SGMS1: variants seen among roughly 807,000 people sequenced by gnomAD.
SGMS1 encodes the protein sphingomyelin synthase 1, also known as phosphatidylcholine:ceramide cholinephosphotransferase 1.
In SGMS1, 13 loss-of-function variants were observed where a neutral mutation model predicts 46.2. The observed-to-expected ratio is 0.28, with a 90% confidence interval of 0.18 to 0.45. The LOEUF (loss-of-function observed/expected upper bound fraction) is 0.45, where lower values mean the gene tolerates loss of function less well. Ranked by LOEUF, SGMS1 falls within the 20% of genes least tolerant of loss-of-function variation. The pLI is 1.00. For missense variants in SGMS1, 324 were observed against 519.9 expected (o/e 0.62, Z 3.66); for synonymous variants, 203 against 187.8 (o/e 1.08, Z -0.66).
At chr10:50,388,471 T>TA (rs56992240) in intron 6 of SGMS1, among the ~76,000 whole-genome samples, 1,059 of 85,030 alleles carry the variant, frequency 0.012, 17 homozygotes, top group African/African-American at 0.027. Flanking sequence ...CTGTCTCTAC[T>TA]AAAAAAAAAA....
At chr10:50,398,638 T>A (rs1848883395) in intron 6 of SGMS1, among the ~76,000 whole-genome samples, 1 of 152,080 alleles carries the variant, frequency 6.6e-6, no homozygotes, top group Non-Finnish European at 1.5e-5. Flanking sequence ...TCAATGCATA[T>A]TCAGTTCTCA....
At chr10:50,449,639 A>ATG (rs1197997469) in intron 5 of SGMS1, among the ~76,000 whole-genome samples, 4 of 95,334 alleles carry the variant, frequency 4.2e-5, no homozygotes, top group East Asian at 5.2e-4. Context: ...TAGTGTGTGC[A>ATG]CGTGTGTGTG....
intron 7 of SGMS1, among the ~76,000 whole-genome samples, chr10:50,331,762 C>A (rs982926536): frequency 1.3e-5 from 2 of 152,180 alleles, no homozygotes; most frequent in African/African-American, 2.4e-5. Context: ...GTGATTAGAT[C>A]ACAAGGGCAG....
At chr10:50,452,452 T>C (rs1346982693) in intron 5 of SGMS1, among the ~76,000 whole-genome samples, 1 of 152,184 alleles carries the variant, frequency 6.6e-6, no homozygotes, top group Non-Finnish European at 1.5e-5. Context: ...AGGTCTATTT[T>C]TGAAGAATGA....
intron 2 of SGMS1, among the ~76,000 whole-genome samples, chr10:50,536,391 G>T (rs369624268): frequency 6.6e-6 from 1 of 152,166 alleles, no homozygotes; most frequent in South Asian, 2.1e-4. Context: ...AAACCTATCA[G>T]AAATATTTAG....
intron 2 of SGMS1, among the ~76,000 whole-genome samples, chr10:50,575,321 T>C (rs968397163): frequency 1.3e-5 from 2 of 152,100 alleles, no homozygotes; most frequent in Non-Finnish European, 2.9e-5. Flanking sequence ...TATAAGGCTA[T>C]GGTGGGTGGA....
At chr10:50,339,706 G>T (rs1371335276) in intron 7 of SGMS1, among the ~76,000 whole-genome samples, 1 of 152,356 alleles carries the variant, frequency 6.6e-6, no homozygotes, top group East Asian at 1.9e-4. Flanking sequence ...CACTTTGTAT[G>T]TGCCAGGCAC....
At chr10:50,590,750 G>A (rs1838532971) in intron 1 of SGMS1, 1 of 152,088 alleles carries the variant, frequency 6.6e-6, no homozygotes, top group South Asian at 2.1e-4. Context: ...GAACACATAA[G>A]GTCTACTGTC....
At chr10:50,356,159 C>G (rs1848144484) in intron 6 of SGMS1, among the ~76,000 whole-genome samples, 1 of 152,196 alleles carries the variant, frequency 6.6e-6, no homozygotes, top group Non-Finnish European at 1.5e-5. Context: ...GATTGTTACT[C>G]TGTCTGTGTA....
At chr10:50,380,990 C>T (rs1184132697) in intron 6 of SGMS1, among the ~76,000 whole-genome samples, 1 of 149,202 alleles carries the variant, frequency 6.7e-6, no homozygotes, top group African/African-American at 2.5e-5. Context: ...GCCACCACAC[C>T]TGGCTTTTTT....
At chr10:50,434,836 A>G (rs1409714528) in intron 5 of SGMS1, among the ~76,000 whole-genome samples, 1 of 150,282 alleles carries the variant, frequency 6.7e-6, no homozygotes, top group Non-Finnish European at 1.5e-5. Flanking sequence ...GTGAGCCGAG[A>G]TCACGCCACT....
chr10:50,535,273 T>G (rs1837990574), intron 2 of SGMS1, among the ~76,000 whole-genome samples: 1 of 152,142 alleles, frequency 6.6e-6, no homozygotes. Context: ...AAGTGTCTAG[T>G]CTTTTTAATT....
chr10:50,414,519 A>G (rs1021930689), intron 6 of SGMS1, among the ~76,000 whole-genome samples: 28 of 152,258 alleles, frequency 1.8e-4, no homozygotes, highest in Non-Finnish European at 3.8e-4. Flanking sequence ...GAAGACTAGG[A>G]TCTAATATAT....
intron 3 of SGMS1, among the ~76,000 whole-genome samples, chr10:50,505,606 C>T (rs749222689): frequency 1.1e-4 from 16 of 152,152 alleles, no homozygotes; most frequent in Non-Finnish European, 2.9e-5. Flanking sequence ...TCAACAAGTA[C>T]TTATTGAGGG....
chr10:50,563,237 T>C (rs962724788), intron 2 of SGMS1, among the ~76,000 whole-genome samples: 18 of 152,148 alleles, frequency 1.2e-4, no homozygotes, highest in East Asian at 1.9e-4. Context: ...CATCATTCTA[T>C]AGACAGGTGG....
chr10:50,623,722 G>A lies in SGMS1; in HGVS notation c.-699C>T. 6 of 985,388 alleles carry A rather than the reference G, an allele frequency of 6.1e-6. No individual in the cohort carries two copies. The highest frequency in any genetic ancestry group is 7.2e-6 in the Non-Finnish European group (6 of 829,930). 61.0% of individuals were successfully genotyped at this position (985,388 alleles called of 1,614,324 possible). On this transcript the variant is annotated 5_prime_UTR_variant, in exon 1 of 11. Transcript: ENST00000361781. Reference sequence around the variant, plus strand: ...CACGACTCACTTGCACTGGAGTCACGGCAGCCGCCGGAATTCCGCTCGCGG... The same window carrying A: ...CACGACTCACTTGCACTGGAGTCACAGCAGCCGCCGGAATTCCGCTCGCGG...
chr10:50,388,568 G>A (rs928358015), intron 6 of SGMS1, among the ~76,000 whole-genome samples: 16 of 151,142 alleles, frequency 1.1e-4, no homozygotes, highest in Admixed American at 4.6e-4. Context: ...AGCTAAGTTC[G>A]CACCACTGCA....
At chr10:50,610,587 GA>G (rs1464885909) in intron 1 of SGMS1, among the ~76,000 whole-genome samples, 2 of 152,172 alleles carry the variant, frequency 1.3e-5, no homozygotes, top group Non-Finnish European at 2.9e-5. Context: ...GGCCCCTATG[GA>G]AACCTGGAAC....
chr10:50,599,376 AAC>A (rs912347659), intron 1 of SGMS1, among the ~76,000 whole-genome samples: 44 of 152,182 alleles, frequency 2.9e-4, no homozygotes, highest in African/African-American at 8.7e-4. Context: ...AACACGTAGG[AAC>A]AGTTTCCCTG....
Sources: allele counts gnomAD v4.1 joint callset (sites outside exome capture counted in the v4.1 genomes callset), GRCh38; gene constraint gnomAD v4.1.1; transcripts MANE v1.5; gene names NCBI Gene and HGNC (gene_info 2026-07-23, HGNC 2026-07-21).